The following EML5 variants were observed in gnomAD, a reference collection of about 807,000 sequenced individuals.
EML5 encodes the protein echinoderm microtubule-associated protein-like 5.
EML5 carries 120 observed loss-of-function variants against 250.0 expected under a neutral mutation model. The ratio of observed to expected loss-of-function variants is 0.48; its 90% CI spans 0.41 to 0.56. The LOEUF is 0.56. EML5 is among the 20% of genes least tolerant of loss of function. The pLI is 0.00. For synonymous variants in EML5, 771 were observed against 806.5 expected (o/e 0.96, Z 0.75); for missense variants, 2,006 against 2,437.6 (o/e 0.82, Z 3.73).
intron 27 of EML5, among the ~76,000 whole-genome samples, chr14:88,654,271 C>G (rs756655230): frequency 6.6e-6 from 1 of 151,940 alleles, no homozygotes; most frequent in East Asian, 1.9e-4. Context: ...TTTTTTGTGT[C>G]TCTCTCTCCT....
chr14:88,647,981 T>C (rs1162274300), intron 28 of EML5, among the ~76,000 whole-genome samples: 1 of 152,230 alleles, frequency 6.6e-6, no homozygotes, highest in East Asian at 1.9e-4. Flanking sequence ...CCACCTGTTC[T>C]GACCTAAGAG....
At chr14:88,757,000 A>G (rs2094169784) in intron 1 of EML5, among the ~76,000 whole-genome samples, 1 of 152,228 alleles carries the variant, frequency 6.6e-6, no homozygotes, top group South Asian at 2.1e-4. Flanking sequence ...GAAAGACTCA[A>G]AATAACCAAA....
chr14:88,698,961 G>A (rs2093145200), intron 14 of EML5, among the ~76,000 whole-genome samples: 1 of 152,060 alleles, frequency 6.6e-6, no homozygotes, highest in African/African-American at 2.4e-5. Context: ...AAGAAACGAA[G>A]GTAAAGAGAG....
chr14:88,776,167 G>C (rs921119166), intron 1 of EML5, among the ~76,000 whole-genome samples: 1 of 152,150 alleles, frequency 6.6e-6, no homozygotes, highest in South Asian at 2.1e-4. Flanking sequence ...AGCTCAGATA[G>C]TGAAGACAAC....
At chr14:88,693,022 CA>C (rs1461425825) in intron 17 of EML5, among the ~76,000 whole-genome samples, 3 of 152,030 alleles carry the variant, frequency 2.0e-5, no homozygotes, top group Admixed American at 6.5e-5. Flanking sequence ...AGAAAACAGA[CA>C]TTTTTTATTT....
intron 13 of EML5, among the ~76,000 whole-genome samples, chr14:88,704,341 G>A (rs1244303603): frequency 6.6e-6 from 1 of 152,108 alleles, no homozygotes; most frequent in Non-Finnish European, 1.5e-5. Context: ...GCTTCTTGAG[G>A]CTTCACCAGA....
At position 88,613,220 on chromosome 14, in the gene EML5, C is replaced by G. The variant is rs1232090923; in HGVS notation, c.*2598G>C. On this transcript the variant is annotated 3_prime_UTR_variant, in exon 44 of 44. Transcript: ENST00000554922. Reference sequence around the variant, plus strand: ...CGAGAAGCAGCAAAGACAGAGCACACAAGTGCATAAGGCTGTTGTCTTCGG... The same window carrying G: ...CGAGAAGCAGCAAAGACAGAGCACAGAAGTGCATAAGGCTGTTGTCTTCGG... The G allele has an allele frequency of 1.3e-5, 2 of 152,164 alleles. No homozygotes were observed. Among genetic ancestry groups the G allele is most frequent in the Non-Finnish European group, 1.5e-5 (1 of 68,050 alleles). 9.4% of individuals were successfully genotyped at this position (152,164 alleles called of 1,614,324 possible). A position where few individuals can be genotyped will look rare whatever the true frequency, so the allele number is the denominator to read the frequency against.
At chr14:88,685,164 T>C (rs2092803255) in intron 19 of EML5, 22 bp from the exon 20 acceptor site, 2 of 1,587,816 alleles carry the variant, frequency 1.3e-6, no homozygotes, top group African/African-American at 1.3e-5. Flanking sequence ...AATGAAGATG[T>C]TCTTTTAGAC....
At chr14:88,724,270 TATCAAAAAAA>T (rs1357204934) in intron 8 of EML5, among the ~76,000 whole-genome samples, 6 of 114,350 alleles carry the variant, frequency 5.2e-5, no homozygotes, top group Non-Finnish European at 8.3e-5. Context: ...CAAGACTCCA[TATCAAAAAAA>T]AAAAAAAAAA....
intron 21 of EML5, among the ~76,000 whole-genome samples, chr14:88,671,516 G>C (rs111271959): frequency 0.02 from 3,032 of 152,238 alleles, 98 homozygotes; most frequent in African/African-American, 0.066. Flanking sequence ...TAACCAGCTA[G>C]CATCACGATG....
intron 6 of EML5, among the ~76,000 whole-genome samples, chr14:88,736,824 AT>A (rs900331392): frequency 1.1e-4 from 16 of 150,924 alleles, no homozygotes; most frequent in East Asian, 2.0e-4. Context: ...TCCTTCCCTA[AT>A]TTTTTTTTAT....
rs779027002 is a variant in EML5 at position 88,685,140 on chromosome 14, G to C, written c.2857C>G (p.Leu953Val). The C allele has an allele frequency of 6.3e-7, 1 of 1,592,234 alleles. No individual in the cohort carries two copies. Among genetic ancestry groups the C allele is most frequent in the East Asian group, 2.3e-5 (1 of 43,964 alleles). ...ATAGATGGATTATCTTCCAAGAGAAGACCTGAAATGTTAAATGAAGATGTT... is the reference window on the plus strand; with the variant it reads ...ATAGATGGATTATCTTCCAAGAGAACACCTGAAATGTTAAATGAAGATGTT... ...RAALAPGSKG[L>V]LLEDNPSIRA... Residue 953 changes from leucine (L) to valine (V), a missense_variant and splice_region_variant, in exon 20 of 44, where the codon CTT becomes GTT. Around this residue, in one of 7 missense-constraint regions of EML5, gnomAD observed 1,375 missense variants for 1,590.3 expected, o/e 0.86. Coordinates refer to ENST00000554922, the MANE Select transcript of EML5 (RefSeq NM_183387.3).
intron 21 of EML5, among the ~76,000 whole-genome samples, chr14:88,668,488 CTG>C (rs2092369099): frequency 6.6e-6 from 1 of 151,810 alleles, no homozygotes; most frequent in Admixed American, 6.6e-5. Context: ...GGTGAATACA[CTG>C]AGAACCAGGA....
rs767998617 is a variant in EML5 at position 88,622,657 on chromosome 14, T to C, written c.4960A>G (p.Arg1654Gly). 5 of 1,611,502 alleles carry C rather than the reference T, an allele frequency of 3.1e-6. No homozygotes were observed. In the African/African-American group the frequency reaches 4.0e-5, roughly 13 times the overall value. Residue 1654 changes from arginine to glycine, a missense_variant, in exon 37 of 44, where the codon AGG becomes GGG. Physicochemically the swap from Arg to Gly is moderately radical, Grantham distance 125 (BLOSUM62 -2). This residue lies in a region of EML5 where 405 missense variants were observed against 523.3 expected (regional missense o/e 0.77). Coordinates refer to ENST00000554922, the MANE Select transcript of EML5 (RefSeq NM_183387.3). Reference sequence around the variant, plus strand: ...TCTGTGGCTTGTCCTGTCTCAAGCCTGAAGGCACGGCACCGCCTCAGTTCC... The same window carrying C: ...TCTGTGGCTTGTCCTGTCTCAAGCCCGAAGGCACGGCACCGCCTCAGTTCC... ...DQELRRCRAF[R>G]LETGQATDCV...
Position 88,702,510 on chromosome 14 carries a change from C to A in EML5, c.2174G>T (p.Gly725Val), listed in dbSNP as rs1450951542. ...RQQNTQRFYL[G>V]HDDDILCLTI... ...TAGGCAGAGAATATCATCATCATGA[C>A]CCAGATAAAAACGCTGTGTGTTTTG... The change falls in exon 14 of 44, where the codon GGT becomes GTT. Residue 725 changes from glycine (G) to valine (V), a missense_variant. Physicochemically the swap from Gly to Val is moderately radical, Grantham distance 109. Transcript: ENST00000554922. 2 of 1,613,202 alleles carry A rather than the reference C, an allele frequency of 1.2e-6. No individual in the cohort carries two copies. The highest frequency in any genetic ancestry group is 2.7e-5 in the African/African-American group (2 of 74,876).
At position 88,685,162 on chromosome 14, in the gene EML5, T is replaced by C. The variant is rs770673042; in HGVS notation, c.2855-20A>G. The C allele has an allele frequency of 2.5e-6, 4 of 1,589,220 alleles. No homozygotes were observed. Among genetic ancestry groups the C allele is most frequent in the Non-Finnish European group, 3.4e-6 (4 of 1,168,354 alleles). Reference sequence around the variant, plus strand: ...GAAGACCTGAAATGTTAAATGAAGATGTTCTTTTAGACATACAGTTACTAT... The same window carrying C: ...GAAGACCTGAAATGTTAAATGAAGACGTTCTTTTAGACATACAGTTACTAT... On this transcript the variant is annotated intron_variant, in intron 19 of 43. Coordinates refer to ENST00000554922, the MANE Select transcript of EML5 (RefSeq NM_183387.3).
chr14:88,613,243 C>T lies in EML5; in HGVS notation c.*2575G>A, dbSNP rs188797120. Reference sequence around the variant, plus strand: ...CACAAGTGCATAAGGCTGTTGTCTTCGGCTTGGGTGAAATGACAGTTCCTC... The same window carrying T: ...CACAAGTGCATAAGGCTGTTGTCTTTGGCTTGGGTGAAATGACAGTTCCTC... On this transcript the variant is annotated 3_prime_UTR_variant, in exon 44 of 44. Coordinates refer to ENST00000554922, the MANE Select transcript of EML5 (RefSeq NM_183387.3). 4 of 152,250 alleles carry T rather than the reference C, an allele frequency of 2.6e-5. No individual in the cohort carries two copies. Among genetic ancestry groups the T allele is most frequent in the Admixed American group, 1.3e-4 (2 of 15,304 alleles). 9.4% of individuals were successfully genotyped at this position (152,250 alleles called of 1,614,324 possible).
chr14:88,664,440 T>C, intron 23 of EML5, 53 bp downstream of exon 23: 2 of 1,473,694 alleles, frequency 1.4e-6, no homozygotes, highest in Non-Finnish European at 1.8e-6. Flanking sequence ...CTAATATAGC[T>C]ATACTAAATC....
intron 22 of EML5, 44 bp downstream of exon 22, chr14:88,665,293 C>A: frequency 6.4e-7 from 1 of 1,566,932 alleles, no homozygotes; most frequent in Non-Finnish European, 8.7e-7. Context: ...TTATACACTG[C>A]CAGACCCAAG....
Sources: gnomAD v4.1 joint callset for allele counts (sites outside exome capture counted in the v4.1 genomes callset) on GRCh38, gnomAD v4.1.1 for gene constraint, gnomAD v4.1.1 regional missense constraint, MANE v1.5 for transcripts, NCBI Gene and HGNC (gene_info 2026-07-23, HGNC 2026-07-21) for gene names.